The following FBXW11 variants were observed in gnomAD, a reference collection of about 807,000 sequenced individuals.
The protein encoded by FBXW11 is F-box/WD repeat-containing protein 11.
Under a neutral mutation model 77.6 loss-of-function variants are expected in FBXW11, and 19 were observed. That is an observed-to-expected ratio of 0.24 (90% CI 0.17 to 0.36). The LOEUF (loss-of-function observed/expected upper bound fraction) is 0.36, where lower values mean the gene tolerates loss of function less well. Among genes scored for constraint, FBXW11 ranks in the 10% least tolerant of loss-of-function variants. The pLI is 1.00. For synonymous variants in FBXW11, 235 were observed against 249.4 expected (o/e 0.94, Z 0.54); for missense variants, 334 against 704.2 (o/e 0.47, Z 5.95).
intron 1 of FBXW11, chr5:171,996,764 G>T: frequency 3.4e-6 from 2 of 591,090 alleles, no homozygotes; most frequent in Non-Finnish European, 2.5e-6. Flanking sequence ...ATGACACTAC[G>T]CACAAACGTC....
chr5:171,910,779 A>G lies in FBXW11; in HGVS notation c.229T>C (p.Ser77Pro), dbSNP rs764156658. 6.2e-7 allele frequency: 1 copy of G among 1,601,026 alleles called. No homozygotes were observed. Among genetic ancestry groups the G allele is most frequent in the Non-Finnish European group, 8.5e-7 (1 of 1,174,862 alleles). Residue 77 changes from serine to proline, a missense_variant, in exon 4 of 14, where the codon TCT becomes CCT. By Grantham distance (74) the Ser-to-Pro change is moderately conservative. This residue lies in a region of FBXW11 where 80 missense variants were observed against 105.1 expected (regional missense o/e 0.76). Coordinates refer to ENST00000517395, the MANE Select transcript of FBXW11 (RefSeq NM_001378974.1). ...GGCCTCTTTCTGGAGACGATCACAGATGATGTTCCATTACTTATCTATTTT... is the reference window on the plus strand; with the variant it reads ...GGCCTCTTTCTGGAGACGATCACAGGTGATGTTCCATTACTTATCTATTTT... Reference protein sequence around the residue: ...TLWQISNGTSSVIVSRKRPSE... With the variant: ...TLWQISNGTSPVIVSRKRPSE...
chr5:171,936,132 A>G (rs1456416703), intron 2 of FBXW11, among the ~76,000 whole-genome samples: 4 of 149,308 alleles, frequency 2.7e-5, no homozygotes, highest in Non-Finnish European at 5.9e-5. Context: ...AAAAAAAAAA[A>G]GAATAAAACA....
chr5:172,005,284 G>A (rs1766671292), intron 1 of FBXW11, among the ~76,000 whole-genome samples: 1 of 152,160 alleles, frequency 6.6e-6, no homozygotes, highest in Non-Finnish European at 1.5e-5. Context: ...GGAAGAAGTT[G>A]TTACCGTGTT....
At chr5:171,995,448 G>A (rs564979805) in intron 1 of FBXW11, among the ~76,000 whole-genome samples, 7 of 152,132 alleles carry the variant, frequency 4.6e-5, no homozygotes, top group East Asian at 1.9e-4. Flanking sequence ...GGCTGGGCGC[G>A]GTGGCATTTA....
intron 1 of FBXW11, among the ~76,000 whole-genome samples, chr5:171,990,315 A>T (rs1205370717): frequency 6.6e-6 from 1 of 152,210 alleles, no homozygotes; most frequent in African/African-American, 2.4e-5. Flanking sequence ...GAGGAAAAAG[A>T]GAAGAACAAT....
At chr5:171,920,584 A>C (rs988757982) in intron 2 of FBXW11, among the ~76,000 whole-genome samples, 2 of 151,998 alleles carry the variant, frequency 1.3e-5, no homozygotes, top group Non-Finnish European at 2.9e-5. Context: ...AAATAAGCCA[A>C]GCCTCGTAAC....
chr5:171,930,449 T>C (rs553656982), intron 2 of FBXW11, among the ~76,000 whole-genome samples: 1 of 152,180 alleles, frequency 6.6e-6, no homozygotes, highest in East Asian at 1.9e-4. Context: ...GGAAAGGAAA[T>C]AAAAAATATA....
intron 13 of FBXW11, chr5:171,867,837 T>A (rs924737009): frequency 6.6e-6 from 1 of 152,234 alleles, no homozygotes; most frequent in African/African-American, 2.4e-5. Context: ...CATAGTAGTA[T>A]GTTTATATGT....
chr5:171,945,757 T>C (rs2113214191), intron 2 of FBXW11, among the ~76,000 whole-genome samples: 1 of 152,344 alleles, frequency 6.6e-6, no homozygotes, highest in Admixed American at 6.5e-5. Flanking sequence ...GACTAAATTC[T>C]TGTTAGATAT....
chr5:171,872,699 C>T (rs1374592618), intron 10 of FBXW11, among the ~76,000 whole-genome samples, 173 bp downstream of exon 10: 4 of 152,204 alleles, frequency 2.6e-5, no homozygotes, highest in Admixed American at 6.5e-5. Flanking sequence ...AGGGCACACA[C>T]GGTTTTCCCA....
intron 2 of FBXW11, among the ~76,000 whole-genome samples, chr5:171,932,954 CAAAAAAAAAAA>C (rs59324690): frequency 1.8e-4 from 9 of 50,250 alleles, no homozygotes; most frequent in Non-Finnish European, 2.3e-4. Context: ...CTGCCTCTAC[CAAAAAAAAAAA>C]AAAAAAAAAA....
At chr5:171,908,491 C>CA (rs1225028284) in intron 4 of FBXW11, among the ~76,000 whole-genome samples, 3 of 152,152 alleles carry the variant, frequency 2.0e-5, no homozygotes, top group African/African-American at 7.2e-5. Context: ...CTAATCTACA[C>CA]AATGAAAAAC....
At chr5:171,998,984 T>C (rs994849083) in intron 1 of FBXW11, among the ~76,000 whole-genome samples, 4 of 152,110 alleles carry the variant, frequency 2.6e-5, no homozygotes, top group Non-Finnish European at 5.9e-5. Context: ...TTCTGATTGT[T>C]CATATTGTAG....
chr5:171,868,212 T>C (rs1757533425), intron 13 of FBXW11: 1 of 152,036 alleles, frequency 6.6e-6, no homozygotes, highest in Admixed American at 6.6e-5. Flanking sequence ...TTTGAATGTT[T>C]TGTCAGATGG....
intron 1 of FBXW11, among the ~76,000 whole-genome samples, chr5:171,977,309 CAAAAA>C (rs58800740): frequency 1.6e-5 from 1 of 62,878 alleles, no homozygotes. Flanking sequence ...GACCATGTCT[CAAAAA>C]AAAAAAAAAA....
intron 4 of FBXW11, among the ~76,000 whole-genome samples, chr5:171,905,589 A>AACC (rs1428374689): frequency 9.0e-6 from 1 of 111,218 alleles, no homozygotes; most frequent in Non-Finnish European, 1.9e-5. Flanking sequence ...CAAAAAGCTA[A>AACC]CCCCCCCCCC....
chr5:171,908,289 C>T (rs10475992), intron 4 of FBXW11, among the ~76,000 whole-genome samples: 63,823 of 151,942 alleles, frequency 0.42, 15,205 homozygotes, highest in Non-Finnish European at 0.52. Context: ...GGATCCCTCC[C>T]TCATAATTAA....
chr5:171,936,740 C>A (rs1208756527), intron 2 of FBXW11, among the ~76,000 whole-genome samples: 1 of 152,064 alleles, frequency 6.6e-6, no homozygotes, highest in Non-Finnish European at 1.5e-5. Flanking sequence ...ATCAGTAAGG[C>A]AGGCAGGTCT....
intron 1 of FBXW11, among the ~76,000 whole-genome samples, chr5:171,969,036 G>A (rs1581046799): frequency 1.3e-5 from 2 of 152,142 alleles, no homozygotes; most frequent in South Asian, 2.1e-4. Flanking sequence ...CTGGGAGGCC[G>A]AGGCAGATGG....
Sources: gnomAD v4.1 joint callset for allele counts (sites outside exome capture counted in the v4.1 genomes callset) on GRCh38, gnomAD v4.1.1 for gene constraint, gnomAD v4.1.1 regional missense constraint, MANE v1.5 for transcripts, NCBI Gene and HGNC (gene_info 2026-07-23, HGNC 2026-07-21) for gene names.